Variants in CADPS2 observed in about 807,000 individuals in gnomAD.
CADPS2 encodes the protein calcium dependent secretion activator 2, also known as calcium-dependent secretion activator 2.
Under a neutral mutation model 172.5 loss-of-function variants are expected in CADPS2, and 93 were observed. The observed-to-expected ratio is 0.54, with a 90% CI of 0.46 to 0.64. The LOEUF (loss-of-function observed/expected upper bound fraction) is 0.64. Ranked by LOEUF, CADPS2 falls within the 30% of genes least tolerant of loss-of-function variation. The probability of loss-of-function intolerance (pLI) is 0.00; values close to 1 mark genes in which losing one functional copy is unlikely to be tolerated. For synonymous variants in CADPS2, 546 were observed against 555.2 expected (o/e 0.98, Z 0.23); for missense variants, 1,420 against 1,565.9 (o/e 0.91, Z 1.57).
At chr7:122,837,110 C>A (rs1338577739) in intron 1 of CADPS2, among the ~76,000 whole-genome samples, 3 of 152,150 alleles carry the variant, frequency 2.0e-5, no homozygotes, top group Non-Finnish European at 2.9e-5. Flanking sequence ...AACTAGAACT[C>A]AGGATTAAGA....
At chr7:122,496,962 A>G (rs1472825976) in intron 9 of CADPS2, among the ~76,000 whole-genome samples, 1 of 152,072 alleles carries the variant, frequency 6.6e-6, no homozygotes, top group African/African-American at 2.4e-5. Context: ...AATTCTCTTA[A>G]ATGTCTATAT....
intron 2 of CADPS2, among the ~76,000 whole-genome samples, chr7:122,726,793 T>C (rs992811885): frequency 2.1e-5 from 3 of 145,368 alleles, no homozygotes. Flanking sequence ...AAAAAAACTA[T>C]CCACATATAA....
intron 14 of CADPS2, among the ~76,000 whole-genome samples, chr7:122,451,942 C>A (rs1042817459): frequency 2.6e-5 from 4 of 152,064 alleles, no homozygotes; most frequent in Non-Finnish European, 5.9e-5. Context: ...ATTTTTGATA[C>A]ATGTAGAAGT....
chr7:122,386,219 T>A (rs773699779), intron 24 of CADPS2: 310 of 1,028,422 alleles, frequency 3.0e-4, no homozygotes, highest in Non-Finnish European at 3.9e-4. Flanking sequence ...TTTGAAAAGA[T>A]GAAAATAAAA....
chr7:122,406,468 G>A (rs1409971697), intron 20 of CADPS2, among the ~76,000 whole-genome samples: 1 of 152,166 alleles, frequency 6.6e-6, no homozygotes, highest in Non-Finnish European at 1.5e-5. Context: ...TGGGCTGCAG[G>A]AAGACAGGGA....
chr7:122,813,406 C>A (rs1007800719), intron 1 of CADPS2, among the ~76,000 whole-genome samples: 2 of 152,074 alleles, frequency 1.3e-5, no homozygotes, highest in African/African-American at 4.8e-5. Context: ...GTAATAATTA[C>A]ATTTAAGTCT....
chr7:122,470,338 G>A (rs1443927358), intron 14 of CADPS2, among the ~76,000 whole-genome samples: 1 of 151,966 alleles, frequency 6.6e-6, no homozygotes, highest in Non-Finnish European at 1.5e-5. Flanking sequence ...ACAAATTGGG[G>A]ATAGGAGGGA....
chr7:122,592,323 A>C (rs1166377954), intron 6 of CADPS2, among the ~76,000 whole-genome samples: 3 of 152,174 alleles, frequency 2.0e-5, no homozygotes, highest in South Asian at 2.1e-4. Flanking sequence ...GCAATCATTA[A>C]AAAGTCAGGA....
chr7:122,331,500 G>A (rs2034940574), intron 28 of CADPS2, among the ~76,000 whole-genome samples: 1 of 152,072 alleles, frequency 6.6e-6, no homozygotes, highest in Non-Finnish European at 1.5e-5. Context: ...TTAGTTGGGT[G>A]CTGTGACGTG....
At chr7:122,607,359 C>T (rs2073708161) in intron 6 of CADPS2, among the ~76,000 whole-genome samples, 1 of 152,046 alleles carries the variant, frequency 6.6e-6, no homozygotes, top group African/African-American at 2.4e-5. Context: ...TCCTAGAGTA[C>T]CTAAGGATTG....
intron 1 of CADPS2, among the ~76,000 whole-genome samples, chr7:122,785,294 A>G (rs755932002): frequency 1.8e-4 from 28 of 152,112 alleles, no homozygotes; most frequent in Non-Finnish European, 2.4e-4. Flanking sequence ...GGACAAAGAG[A>G]TTGTATGATT....
At chr7:122,872,160 A>G (rs1819924116) in intron 1 of CADPS2, among the ~76,000 whole-genome samples, 1 of 152,104 alleles carries the variant, frequency 6.6e-6, no homozygotes, top group Admixed American at 6.6e-5. Flanking sequence ...ATAGCCCCAC[A>G]TTGCTTATCT....
chr7:122,578,390 G>T (rs1416280703), intron 7 of CADPS2, among the ~76,000 whole-genome samples: 2 of 152,126 alleles, frequency 1.3e-5, no homozygotes, highest in Non-Finnish European at 2.9e-5. Context: ...AGAAAGCACG[G>T]TGTAAGGAAA....
intron 3 of CADPS2, among the ~76,000 whole-genome samples, chr7:122,654,154 G>A (rs1015356130): frequency 2.0e-5 from 3 of 152,294 alleles, no homozygotes; most frequent in African/African-American, 7.2e-5. Flanking sequence ...GAAGCTAGGA[G>A]AAGTTGGTTC....
At chr7:122,586,252 C>T (rs572813796) in intron 6 of CADPS2, among the ~76,000 whole-genome samples, 1 of 152,012 alleles carries the variant, frequency 6.6e-6, no homozygotes, top group East Asian at 1.9e-4. Flanking sequence ...TCCCTATCCC[C>T]TTGGGATTTC....
chr7:122,423,113 G>A (rs1248113822), intron 17 of CADPS2, among the ~76,000 whole-genome samples: 1 of 152,096 alleles, frequency 6.6e-6, no homozygotes, highest in East Asian at 1.9e-4. Flanking sequence ...AGTACAGACT[G>A]ATGACTCAGT....
chr7:122,688,800 T>C (rs2083958531), intron 2 of CADPS2, among the ~76,000 whole-genome samples: 1 of 152,172 alleles, frequency 6.6e-6, no homozygotes, highest in African/African-American at 2.4e-5. Flanking sequence ...CTAAACTCGC[T>C]GAGTCACTCA....
At chr7:122,637,420 T>G (rs1241070454) in intron 3 of CADPS2, among the ~76,000 whole-genome samples, 4 of 152,134 alleles carry the variant, frequency 2.6e-5, no homozygotes, top group African/African-American at 9.7e-5. Context: ...TCCTCTTGCC[T>G]TGGCCTCCCA....
intron 8 of CADPS2, among the ~76,000 whole-genome samples, chr7:122,552,358 A>G (rs1460616424): frequency 6.6e-6 from 1 of 152,166 alleles, no homozygotes; most frequent in Non-Finnish European, 1.5e-5. Flanking sequence ...TAATTGGGCT[A>G]TGAGGCATTT....
Sources: allele counts gnomAD v4.1 joint callset (sites outside exome capture counted in the v4.1 genomes callset), GRCh38; gene constraint gnomAD v4.1.1; transcripts MANE v1.5; gene names NCBI Gene and HGNC (gene_info 2026-07-23, HGNC 2026-07-21).